The following MED19 variants were observed in gnomAD, a reference collection of about 807,000 sequenced individuals.
MED19 encodes mediator complex subunit 19, also known as mediator of RNA polymerase II transcription subunit 19.
In MED19, 4 loss-of-function variants were observed where a neutral mutation model predicts 19.9. The observed-to-expected ratio is 0.20, with a 90% CI of 0.10 to 0.46. The LOEUF is 0.46. Ranked by LOEUF, MED19 falls within the 20% of genes least tolerant of loss-of-function variation. The pLI, the probability that MED19 is intolerant of heterozygous loss-of-function variation, is 0.99. For missense variants in MED19, 303 were observed against 318.7 expected, an observed-to-expected ratio of 0.95 and a Z score of 0.38; for synonymous variants, 139 against 119.6, an observed-to-expected ratio of 1.16 and a Z score of -1.06.
chr11:57,704,031 G>A (rs1025487795), exon 5 of MED19: 4 of 1,535,962 alleles, frequency 2.6e-6, no homozygotes, highest in African/African-American at 2.7e-5. Flanking sequence ...AGAGTCCAGT[G>A]GTCCTATTAG....
At chr11:57,710,364 T>TA (rs1946551940) in intron 1 of MED19, among the ~76,000 whole-genome samples, 1 of 152,170 alleles carries the variant, frequency 6.6e-6, no homozygotes, top group African/African-American at 2.4e-5. Context: ...CTTGTGTCTA[T>TA]AAAAAAATTT....
At chr11:57,706,660 G>A (rs920083048) in intron 1 of MED19, among the ~76,000 whole-genome samples, 2 of 151,804 alleles carry the variant, frequency 1.3e-5, no homozygotes, top group African/African-American at 4.8e-5. Context: ...TAATCCCTGC[G>A]AGGCGGAGGT....
intron 1 of MED19, 91 bp from the exon 2 acceptor site, chr11:57,705,320 T>C: frequency 1.5e-6 from 2 of 1,379,014 alleles, no homozygotes; most frequent in Non-Finnish European, 2.0e-6. Flanking sequence ...TAAGACATTT[T>C]TTAAGTGCAG....
intron 1 of MED19, among the ~76,000 whole-genome samples, chr11:57,710,569 G>A (rs1300650719): frequency 6.6e-6 from 1 of 152,034 alleles, no homozygotes; most frequent in East Asian, 1.9e-4. Context: ...CTCATTTCTT[G>A]TATCTACAAT....
At chr11:57,705,066 G>A in exon 2 of MED19, 1 of 1,614,184 alleles carries the variant, frequency 6.2e-7, no homozygotes, top group South Asian at 1.1e-5. Flanking sequence ...TGAGAGAGCG[G>A]AGGCTGCTGT....
At chr11:57,703,854 G>A (rs896222638) in exon 5 of MED19, 2 of 860,554 alleles carry the variant, frequency 2.3e-6, no homozygotes, top group Admixed American at 3.4e-5. Context: ...ACTGGGATGA[G>A]CCTACAAAAG....
chr11:57,705,269 A>G (rs781409831), intron 1 of MED19, 40 bp from the exon 2 acceptor site: 4 of 1,602,654 alleles, frequency 2.5e-6, no homozygotes, highest in South Asian at 2.2e-5. Context: ...ATCAGTCTTC[A>G]AAGTAGACCC....
chr11:57,704,047 G>C, exon 5 of MED19: 1 of 1,513,158 alleles, frequency 6.6e-7, no homozygotes. Context: ...ATTAGCGTAG[G>C]CTGCTGCTGC....
chr11:57,704,636 C>CAA (rs770521857), intron 3 of MED19, 83 bp downstream of exon 3: 12 of 1,524,040 alleles, frequency 7.9e-6, no homozygotes, highest in Non-Finnish European at 1.1e-5. Flanking sequence ...CTGGGTTTAC[C>CAA]TATGGAAGTT....
exon 5 of MED19, chr11:57,703,941 G>T: frequency 6.8e-7 from 1 of 1,471,230 alleles, no homozygotes; most frequent in South Asian, 1.4e-5. Flanking sequence ...GCTGCAGGAT[G>T]CTCCCAAGGC....
At chr11:57,707,964 C>G (rs756187398) in intron 1 of MED19, among the ~76,000 whole-genome samples, 6 of 152,128 alleles carry the variant, frequency 3.9e-5, no homozygotes, top group Non-Finnish European at 5.9e-5. Flanking sequence ...TCCCAGGTAG[C>G]TGGGACTACA....
intron 3 of MED19, 21 bp downstream of exon 3, chr11:57,704,698 T>TTTTTTTTTATA: frequency 6.4e-7 from 1 of 1,573,014 alleles, no homozygotes; most frequent in Admixed American, 1.9e-5. Flanking sequence ...TTTTTTTGCT[T>TTTTTTTTTATA]TGAATAGAAC....
At chr11:57,708,855 G>A (rs1482348551) in intron 1 of MED19, among the ~76,000 whole-genome samples, 5 of 152,246 alleles carry the variant, frequency 3.3e-5, no homozygotes, top group East Asian at 1.9e-4. Flanking sequence ...AAAAGAAACC[G>A]CTGGTGGACA....
chr11:57,710,498 G>A (rs1394774819), intron 1 of MED19, among the ~76,000 whole-genome samples: 1 of 152,194 alleles, frequency 6.6e-6, no homozygotes, highest in East Asian at 1.9e-4. Flanking sequence ...CTTCACTGGA[G>A]TCCAACTGAT....
At chr11:57,705,960 A>G (rs752609395) in intron 1 of MED19, among the ~76,000 whole-genome samples, 1 of 152,122 alleles carries the variant, frequency 6.6e-6, no homozygotes, top group African/African-American at 2.4e-5. Flanking sequence ...CAGGGGGCCA[A>G]ATATGACCCA....
At chr11:57,707,989 T>A (rs527237872) in intron 1 of MED19, among the ~76,000 whole-genome samples, 1 of 152,212 alleles carries the variant, frequency 6.6e-6, no homozygotes, top group South Asian at 2.1e-4. Context: ...TACACTGCCA[T>A]GCTAGGCTAA....
At chr11:57,710,607 T>G (rs1946558445) in intron 1 of MED19, among the ~76,000 whole-genome samples, 1 of 152,220 alleles carries the variant, frequency 6.6e-6, no homozygotes, top group Non-Finnish European at 1.5e-5. Context: ...CATACATGGC[T>G]GGCCCTTTGT....
chr11:57,703,740 TAAAGA>T (rs1189047090), exon 5 of MED19: 1 of 306,532 alleles, frequency 3.3e-6, no homozygotes. Context: ...TTTTTTTTTT[TAAAGA>T]AAACACAGAA....
At chr11:57,712,123 G>T in exon 1 of MED19, 1 of 1,529,096 alleles carries the variant, frequency 6.5e-7, no homozygotes, top group Non-Finnish European at 8.8e-7. Flanking sequence ...AGCCGAGTGC[G>T]GTTGGGGGCG....
Sources: allele counts gnomAD v4.1 joint callset (sites outside exome capture counted in the v4.1 genomes callset), GRCh38; gene constraint gnomAD v4.1.1; transcripts MANE v1.5; gene names NCBI Gene and HGNC (gene_info 2026-07-23, HGNC 2026-07-21).